SHOC1: variants seen among roughly 807,000 people sequenced by gnomAD.
SHOC1 encodes protein shortage in chiasmata 1 ortholog.
SHOC1 carries 136 observed loss-of-function variants against 179.2 expected under a neutral mutation model. The ratio of observed to expected loss-of-function variants is 0.76; its 90% CI spans 0.66 to 0.87. The LOEUF is 0.87. Among genes scored for constraint, SHOC1 ranks in the 40% least tolerant of loss-of-function variants. The pLI is 0.00. For missense variants in SHOC1, 1,538 were observed against 1,700.8 expected (o/e 0.90, Z 1.68); for synonymous variants, 489 against 586.6 (o/e 0.83, Z 2.41).
intron 5 of SHOC1, among the ~76,000 whole-genome samples, chr9:111,766,912 A>G (rs1171255075): frequency 6.6e-6 from 1 of 152,160 alleles, no homozygotes; most frequent in Non-Finnish European, 1.5e-5. Flanking sequence ...ACGCCTGGCC[A>G]GCTCATTGTG....
At chr9:111,697,367 G>C (rs1831747920) in intron 24 of SHOC1, among the ~76,000 whole-genome samples, 2 of 152,090 alleles carry the variant, frequency 1.3e-5, no homozygotes, top group Admixed American at 6.6e-5. Flanking sequence ...ACAGGCCCCG[G>C]TGTGTGATGT....
chr9:111,718,539 A>T (rs1832900588), intron 15 of SHOC1, among the ~76,000 whole-genome samples: 6 of 152,200 alleles, frequency 3.9e-5, no homozygotes, highest in Admixed American at 1.3e-4. Context: ...TCAGTGAGTG[A>T]GTAAATGGTA....
At chr9:111,710,862 A>C (rs1288850504) in intron 18 of SHOC1, among the ~76,000 whole-genome samples, 1 of 152,194 alleles carries the variant, frequency 6.6e-6, no homozygotes, top group Non-Finnish European at 1.5e-5. Flanking sequence ...AAACAGCATG[A>C]TAGTTTGGTA....
Position 111,753,012 on chromosome 9 carries a change from A to C in SHOC1, c.862+3313T>G, listed in dbSNP as rs191519085. Among the ~76,000 whole-genome samples, 1,489 of 152,286 alleles carry C rather than the reference A, an allele frequency of 9.8e-3. 25 individuals carry two copies. The highest frequency in any genetic ancestry group is 0.034 in the African/African-American group (1,434 of 41,566). On this transcript the variant is annotated intron_variant, in intron 8 of 27. Transcript: ENST00000682961. ...AGGATCACTTGAGCCCAGGAGTTCA[A>C]GACCAGCCTGAGCAACATAGTGAGA...
intron 18 of SHOC1, among the ~76,000 whole-genome samples, chr9:111,708,642 CA>C (rs1329606113): frequency 2.0e-5 from 3 of 152,172 alleles, no homozygotes; most frequent in Admixed American, 6.5e-5. Context: ...GACTGTATTT[CA>C]ATGTAATAGG....
At chr9:111,751,109 C>T (rs1255582505) in intron 8 of SHOC1, among the ~76,000 whole-genome samples, 5 of 152,126 alleles carry the variant, frequency 3.3e-5, no homozygotes, top group Non-Finnish European at 5.9e-5. Flanking sequence ...GGAGTCCTTA[C>T]CCCATTGCTT....
At chr9:111,756,284 A>G (rs767594358) in intron 8 of SHOC1, 41 bp downstream of exon 8, 1 of 1,492,036 alleles carries the variant, frequency 6.7e-7, no homozygotes, top group Non-Finnish European at 9.0e-7. Context: ...AACATTCTTA[A>G]GTGGTTTTTA....
chr9:111,731,363 C>A (rs2131453697), intron 12 of SHOC1, among the ~76,000 whole-genome samples: 1 of 152,288 alleles, frequency 6.6e-6, no homozygotes, highest in African/African-American at 2.4e-5. Context: ...CATTTCTAGC[C>A]TTTGATTTAA....
At chr9:111,767,864 T>A (rs1257513864) in intron 5 of SHOC1, among the ~76,000 whole-genome samples, 1 of 152,148 alleles carries the variant, frequency 6.6e-6, no homozygotes, top group Non-Finnish European at 1.5e-5. Context: ...CCTCAATTTC[T>A]TTCATCAGAG....
chr9:111,789,483 GTTTTTTTAAGT>G (rs1454346566), intron 2 of SHOC1, among the ~76,000 whole-genome samples: 8 of 149,574 alleles, frequency 5.3e-5, no homozygotes, highest in Admixed American at 6.6e-5. Context: ...AAGATTTTAA[GTTTTTTTAAGT>G]TTTTTTTAAG....
At chr9:111,728,545 G>A (rs1053517128) in intron 12 of SHOC1, among the ~76,000 whole-genome samples, 3 of 152,250 alleles carry the variant, frequency 2.0e-5, no homozygotes, top group East Asian at 1.9e-4. Context: ...CAAAATAGAC[G>A]AATCTTGAAA....
intron 11 of SHOC1, among the ~76,000 whole-genome samples, 160 bp from the exon 12 acceptor site, chr9:111,738,682 G>A (rs1190434008): frequency 1.3e-5 from 2 of 152,086 alleles, no homozygotes; most frequent in African/African-American, 4.8e-5. Flanking sequence ...TTTGTCTCAA[G>A]ATGCTAATAT....
chr9:111,779,957 G>C (rs1157169331), intron 4 of SHOC1, among the ~76,000 whole-genome samples: 1 of 152,216 alleles, frequency 6.6e-6, no homozygotes, highest in African/African-American at 2.4e-5. Context: ...TCATAGTGCA[G>C]AGCTTTTTTC....
Position 111,737,321 on chromosome 9 carries a change from T to C in SHOC1, c.1417+959A>G, listed in dbSNP as rs750315018. ...ACCAATCTCCCAACATAGACAGTAA[T>C]TTCTAAAATTTATTTCTAAATATGT... On this transcript the variant is annotated intron_variant, in intron 12 of 27. Coordinates refer to ENST00000682961, the MANE Select transcript of SHOC1 (RefSeq NM_001378211.1). Among the ~76,000 whole-genome samples the C allele has an allele frequency of 2.7e-4, 41 of 152,202 alleles. 1 individual carries two copies. Among genetic ancestry groups the C allele is most frequent in the Admixed American group, 6.5e-4 (10 of 15,278 alleles).
intron 23 of SHOC1, among the ~76,000 whole-genome samples, chr9:111,700,305 C>A (rs1163306601): frequency 6.6e-6 from 1 of 151,382 alleles, no homozygotes; most frequent in African/African-American, 2.4e-5. Context: ...AAGAACTTAA[C>A]CCATCCCTTT....
intron 20 of SHOC1, among the ~76,000 whole-genome samples, chr9:111,706,299 A>G (rs1199998992): frequency 1.3e-5 from 2 of 152,152 alleles, no homozygotes; most frequent in East Asian, 3.8e-4. Context: ...TTGGATATAA[A>G]TGTAATAAAA....
chr9:111,705,366 TA>T lies in SHOC1; in HGVS notation c.2738-3del. 7.1e-7 allele frequency: 1 copy of T among 1,417,572 alleles called. No homozygotes were observed. Among genetic ancestry groups the T allele is most frequent in the South Asian group, 1.5e-5 (1 of 68,458 alleles). The allele number at this position is 1,417,572 out of a possible 1,614,324, so 87.8% of individuals were successfully genotyped here. A position where few individuals can be genotyped will look rare whatever the true frequency, so the allele number is the denominator to read the frequency against. On this transcript the variant is annotated splice_region_variant and splice_polypyrimidine_tract_variant and intron_variant, in intron 20 of 27. Coordinates refer to ENST00000682961, the MANE Select transcript of SHOC1 (RefSeq NM_001378211.1). The stretch of plus-strand genomic sequence containing the variant: ...CAAATCTATCCAGCAAGGTGCTTCC[TA>T]AATAAGAGAAAATTTATAAATATTT...
At chr9:111,724,674 C>T (rs947064796) in intron 13 of SHOC1, among the ~76,000 whole-genome samples, 1 of 152,006 alleles carries the variant, frequency 6.6e-6, no homozygotes, top group African/African-American at 2.4e-5. Context: ...ACTGCTGCAC[C>T]CTGCAGGTCT....
chr9:111,794,344 G>A (rs1390291945), intron 1 of SHOC1, among the ~76,000 whole-genome samples: 2 of 151,702 alleles, frequency 1.3e-5, no homozygotes, highest in African/African-American at 2.4e-5. Context: ...AGCACTTCGG[G>A]AGGCCGAGGC....
Sources: allele counts gnomAD v4.1 joint callset (sites outside exome capture counted in the v4.1 genomes callset), GRCh38; gene constraint gnomAD v4.1.1; transcripts MANE v1.5; gene names NCBI Gene and HGNC (gene_info 2026-07-23, HGNC 2026-07-21).